Variants in VPS8 observed in about 807,000 individuals in gnomAD.
The protein encoded by VPS8 is vacuolar protein sorting-associated protein 8 homolog.
Under a neutral mutation model 216.4 loss-of-function variants are expected in VPS8, and 129 were observed. That is an observed-to-expected ratio of 0.60 (90% CI 0.52 to 0.69). The LOEUF (loss-of-function observed/expected upper bound fraction) is 0.69, where lower values mean the gene tolerates loss of function less well. VPS8 is among the 30% of genes least tolerant of loss of function. The pLI is 0.00. For missense variants in VPS8, 1,531 were observed against 1,683.5 expected (o/e 0.91, Z 1.59); for synonymous variants, 571 against 565.4 (o/e 1.01, Z -0.14).
At position 184,996,409 on chromosome 3, in the gene VPS8, C is replaced by T; in HGVS notation, c.3744C>T (p.Thr1248=). The T allele has an allele frequency of 6.2e-7, 1 of 1,613,898 alleles. No individual in the cohort carries two copies. Among genetic ancestry groups the T allele is most frequent in the East Asian group, 2.2e-5 (1 of 44,874 alleles). ...TGTGTAACCTGAGAGCTTCGGTCAC[C>T]AGAGGACTGAATCCCAAACAAGATT... is the stretch of plus-strand genomic sequence containing the variant. ...WSLCNLRASV[T]RGLNPKQDYC... The change falls in exon 44 of 48, where the codon ACC becomes ACT. Residue 1248 remains threonine (T), a synonymous_variant. Transcript: ENST00000625842.
chr3:184,826,420 A>G (rs1298775286), intron 3 of VPS8, among the ~76,000 whole-genome samples, 189 bp downstream of exon 3: 4 of 152,230 alleles, frequency 2.6e-5, no homozygotes, highest in Admixed American at 2.6e-4. Context: ...CACAAGGCAC[A>G]TTTCAAGTGC....
At chr3:184,867,015 T>G (rs1348136700) in intron 17 of VPS8, 65 bp downstream of exon 17, 2 of 1,502,770 alleles carry the variant, frequency 1.3e-6, no homozygotes, top group African/African-American at 2.8e-5. Context: ...TGAAGGAGAT[T>G]GCTGGTAAAG....
At chr3:185,051,119 A>G (rs1714134181) in intron 47 of VPS8, among the ~76,000 whole-genome samples, 1 of 152,102 alleles carries the variant, frequency 6.6e-6, no homozygotes, top group Non-Finnish European at 1.5e-5. Flanking sequence ...TTTCGCAGAA[A>G]GCCTCTTTAG....
chr3:184,833,403 GTTTTTC>G (rs959517223), intron 4 of VPS8, among the ~76,000 whole-genome samples: 1 of 152,078 alleles, frequency 6.6e-6, no homozygotes, highest in Non-Finnish European at 1.5e-5. Context: ...AAAGTGATCT[GTTTTTC>G]TTCTTCTTCG....
chr3:184,851,916 T>A (rs1325630542), intron 10 of VPS8, among the ~76,000 whole-genome samples: 1 of 152,246 alleles, frequency 6.6e-6, no homozygotes, highest in Non-Finnish European at 1.5e-5. Flanking sequence ...TGAACATGAC[T>A]TATTATTCTG....
intron 16 of VPS8, among the ~76,000 whole-genome samples, chr3:184,864,767 G>A (rs556401030): frequency 5.9e-5 from 9 of 152,132 alleles, no homozygotes; most frequent in Non-Finnish European, 1.3e-4. Flanking sequence ...TAGGAATACA[G>A]AAAGATCCAG....
chr3:185,038,166 A>G (rs377418754), intron 46 of VPS8, among the ~76,000 whole-genome samples: 2 of 152,192 alleles, frequency 1.3e-5, no homozygotes, highest in Non-Finnish European at 2.9e-5. Flanking sequence ...TTTCTCCACA[A>G]TATTAAGCTT....
chr3:184,985,344 G>A (rs917088502), intron 42 of VPS8, among the ~76,000 whole-genome samples: 3 of 151,996 alleles, frequency 2.0e-5, no homozygotes, highest in African/African-American at 7.3e-5. Context: ...TGTCATGTGA[G>A]CTTTTTTTAT....
intron 21 of VPS8, among the ~76,000 whole-genome samples, chr3:184,881,837 ATTTC>A (rs1560508846): frequency 6.6e-6 from 1 of 151,876 alleles, no homozygotes; most frequent in Non-Finnish European, 1.5e-5. Context: ...TACGCCTAAT[ATTTC>A]TTTTTTTCTT....
At chr3:184,827,719 G>A (rs1034343799) in intron 3 of VPS8, among the ~76,000 whole-genome samples, 5 of 152,222 alleles carry the variant, frequency 3.3e-5, no homozygotes, top group Admixed American at 6.5e-5. Context: ...GTAACAGTAA[G>A]TATAGTCATT....
At chr3:184,829,356 G>A (rs970213960) in intron 3 of VPS8, among the ~76,000 whole-genome samples, 6 of 152,186 alleles carry the variant, frequency 3.9e-5, no homozygotes, top group Middle Eastern at 3.4e-3. Context: ...TGGGATTACC[G>A]GCATGCACCA....
chr3:185,026,650 C>T (rs1757398016), intron 46 of VPS8, among the ~76,000 whole-genome samples: 1 of 150,946 alleles, frequency 6.6e-6, no homozygotes, highest in African/African-American at 2.4e-5. Context: ...ACCTCATGAT[C>T]CATCCGCCTT....
chr3:184,888,013 A>T (rs1434704452), intron 22 of VPS8, among the ~76,000 whole-genome samples: 2 of 150,332 alleles, frequency 1.3e-5, no homozygotes, highest in African/African-American at 4.9e-5. Context: ...TTGGAGACAG[A>T]ATCTCGCTCT....
intron 45 of VPS8, among the ~76,000 whole-genome samples, chr3:185,019,859 A>G (rs2110053652): frequency 6.6e-6 from 1 of 152,344 alleles, no homozygotes; most frequent in Middle Eastern, 3.4e-3. Context: ...TTTGAGAGAT[A>G]AGTGAAGACT....
At chr3:184,923,084 A>C (rs1274482689) in intron 29 of VPS8, among the ~76,000 whole-genome samples, 1 of 152,182 alleles carries the variant, frequency 6.6e-6, no homozygotes, top group Non-Finnish European at 1.5e-5. Context: ...AGAGGGATGC[A>C]AGAAGTAGGT....
At chr3:184,995,747 A>G (rs531603417) in intron 43 of VPS8, among the ~76,000 whole-genome samples, 2 of 152,354 alleles carry the variant, frequency 1.3e-5, no homozygotes, top group South Asian at 2.1e-4. Context: ...AAATGTCTTT[A>G]TGTGACTTAA....
chr3:184,910,596 G>C (rs1339152548), intron 25 of VPS8, among the ~76,000 whole-genome samples: 3 of 152,180 alleles, frequency 2.0e-5, no homozygotes, highest in Non-Finnish European at 2.9e-5. Context: ...TTAGTAAATG[G>C]ATCCACTTCA....
intron 15 of VPS8, among the ~76,000 whole-genome samples, chr3:184,860,801 A>G (rs997320130): frequency 1.3e-5 from 2 of 148,450 alleles, no homozygotes; most frequent in South Asian, 2.1e-4. Flanking sequence ...TCTACCATGC[A>G]TCTCAATCCT....
At chr3:184,855,624 A>T in intron 13 of VPS8, 87 bp from the exon 14 acceptor site, 1 of 1,054,482 alleles carries the variant, frequency 9.5e-7, no homozygotes, top group Non-Finnish European at 1.4e-6. Flanking sequence ...AAGGAACACT[A>T]GTCAGATGCT....
Sources: allele counts gnomAD v4.1 joint callset (sites outside exome capture counted in the v4.1 genomes callset), GRCh38; gene constraint gnomAD v4.1.1; transcripts MANE v1.5; gene names NCBI Gene and HGNC (gene_info 2026-07-23, HGNC 2026-07-21).